Variants in SLC25A30 observed in about 807,000 individuals in gnomAD.
The protein encoded by SLC25A30 is solute carrier family 25 member 30.
SLC25A30 carries 29 observed loss-of-function variants against 42.7 expected under a neutral mutation model. That is an observed-to-expected ratio of 0.68 (90% CI 0.51 to 0.93). The LOEUF (loss-of-function observed/expected upper bound fraction) is 0.93. Among genes scored for constraint, SLC25A30 ranks in the 40% least tolerant of loss-of-function variants. The probability of loss-of-function intolerance (pLI) is 0.00; values close to 1 mark genes in which losing one functional copy is unlikely to be tolerated. For missense variants in SLC25A30, 300 were observed against 359.7 expected (o/e 0.83, Z 1.34); for synonymous variants, 124 against 131.0 (o/e 0.95, Z 0.37).
At chr13:45,396,360 G>C in intron 9 of SLC25A30, 1 of 1,137,888 alleles carries the variant, frequency 8.8e-7, no homozygotes. Context: ...GCAAGCCCTG[G>C]GAAGCTCTCC....
intron 3 of SLC25A30, among the ~76,000 whole-genome samples, chr13:45,408,439 C>T (rs1882711955): frequency 1.3e-5 from 2 of 152,120 alleles, no homozygotes; most frequent in Admixed American, 6.6e-5. Context: ...AATCAAGATG[C>T]TTAGCGTGAC....
At chr13:45,429,295 C>T in the SLC25A30 span, among the ~76,000 whole-genome samples, 10 of 151,770 alleles carry the variant, frequency 6.6e-5, no homozygotes, top group Non-Finnish European at 1.5e-5. Flanking sequence ...TCTCGAACTC[C>T]TGACCTCAGG....
chr13:45,415,632 T>TC (rs1348880977), intron 1 of SLC25A30, among the ~76,000 whole-genome samples: 1 of 150,596 alleles, frequency 6.6e-6, no homozygotes, highest in Non-Finnish European at 1.5e-5. Context: ...ATGCCTGTAA[T>TC]CCCAGTTACT....
At chr13:45,399,381 G>C (rs1034674511) in intron 7 of SLC25A30, among the ~76,000 whole-genome samples, 6 of 151,914 alleles carry the variant, frequency 3.9e-5, no homozygotes, top group East Asian at 1.9e-4. Flanking sequence ...AATTTTTTTT[G>C]TATTTTTATT....
chr13:45,422,929 T>C (rs1883924311), upstream of SLC25A30, among the ~76,000 whole-genome samples: 1 of 152,098 alleles, frequency 6.6e-6, no homozygotes, highest in African/African-American at 2.4e-5. Flanking sequence ...AGGAAGTCTC[T>C]CCTAATCACT....
chr13:45,407,662 AG>A (rs1566208811), intron 3 of SLC25A30, among the ~76,000 whole-genome samples: 1 of 152,208 alleles, frequency 6.6e-6, no homozygotes, highest in African/African-American at 2.4e-5. Context: ...TTCTCCATTT[AG>A]ATGTCCTGTG....
the SLC25A30 span, among the ~76,000 whole-genome samples, chr13:45,424,752 T>G: frequency 8.6e-5 from 5 of 57,960 alleles, 1 homozygote; most frequent in Non-Finnish European, 1.6e-4. Context: ...TTATATCTAT[T>G]TATATAAATA....
the SLC25A30 span, among the ~76,000 whole-genome samples, chr13:45,424,857 TATATAA>T: frequency 1.3e-4 from 8 of 59,502 alleles, no homozygotes; most frequent in East Asian, 1.6e-3. Flanking sequence ...TATAAATATA[TATATAA>T]AAATATATAT....
At chr13:45,430,083 A>C in the SLC25A30 span, among the ~76,000 whole-genome samples, 1 of 152,122 alleles carries the variant, frequency 6.6e-6, no homozygotes, top group African/African-American at 2.4e-5. Flanking sequence ...GCAACTGTCA[A>C]TTCCAGGAAA....
the SLC25A30 span, among the ~76,000 whole-genome samples, chr13:45,432,011 T>A: frequency 6.6e-6 from 1 of 152,106 alleles, no homozygotes; most frequent in Non-Finnish European, 1.5e-5. Context: ...GGCTCATACC[T>A]GTAATCCTGG....
chr13:45,421,379 C>CA (rs368665089), upstream of SLC25A30, among the ~76,000 whole-genome samples: 12,366 of 82,956 alleles, frequency 0.15, 919 homozygotes, highest in African/African-American at 0.23. Context: ...ACTCCATCTC[C>CA]AAAAAAAAAA....
the SLC25A30 span, among the ~76,000 whole-genome samples, chr13:45,423,902 T>C: frequency 1.2e-5 from 1 of 86,350 alleles, no homozygotes; most frequent in African/African-American, 4.7e-5. Context: ...TAAATATATA[T>C]AAGAATATAT....
intron 1 of SLC25A30, among the ~76,000 whole-genome samples, chr13:45,412,940 G>A (rs755611433): frequency 2.0e-5 from 3 of 152,088 alleles, no homozygotes; most frequent in Non-Finnish European, 2.9e-5. Flanking sequence ...TAACTTTTCA[G>A]TCATTATTGG....
intron 9 of SLC25A30, chr13:45,396,993 C>A: frequency 2.7e-6 from 1 of 372,908 alleles, no homozygotes; most frequent in African/African-American, 2.2e-5. Flanking sequence ...TCGTAAATAC[C>A]CTCAGCTTCT....
intron 2 of SLC25A30, 75 bp downstream of exon 2, chr13:45,411,287 T>C: frequency 9.0e-7 from 1 of 1,114,410 alleles, no homozygotes; most frequent in African/African-American, 1.5e-5. Flanking sequence ...TCTCACATTC[T>C]ACACTTGAAC....
the SLC25A30 span, among the ~76,000 whole-genome samples, chr13:45,425,575 T>TAC: frequency 2.5e-4 from 20 of 79,426 alleles, 1 homozygote; most frequent in African/African-American, 9.6e-4. Context: ...TATATATAAG[T>TAC]ATATATATAA....
At position 45,409,087 on chromosome 13, in the gene SLC25A30, A is replaced by G; in HGVS notation, c.65-13T>C. 5 of 1,583,082 alleles carry G rather than the reference A, an allele frequency of 3.2e-6. No homozygotes were observed. Among genetic ancestry groups the G allele is most frequent in the East Asian group, 4.5e-5 (2 of 44,436 alleles). On this transcript the variant is annotated splice_polypyrimidine_tract_variant and intron_variant, in intron 2 of 9. Coordinates refer to ENST00000519676, the MANE Select transcript of SLC25A30 (RefSeq NM_001010875.4). ...ATTGGAAATGTACCTTAAAATTTAAAAAGAAATTCACTTAATAAAAAGAAA... is the reference window on the plus strand; with the variant it reads ...ATTGGAAATGTACCTTAAAATTTAAGAAGAAATTCACTTAATAAAAAGAAA...
At position 45,412,982 on chromosome 13, in the gene SLC25A30, G is replaced by A. The variant is rs1042768457; in HGVS notation, c.-55-1502C>T. ...ATATGCCAACATGTTTACTTTGCCTGTGTTTAGGAATTTCCCAAGTCTCCT... is the reference window on the plus strand; with the variant it reads ...ATATGCCAACATGTTTACTTTGCCTATGTTTAGGAATTTCCCAAGTCTCCT... On this transcript the variant is annotated intron_variant, in intron 1 of 9. Coordinates refer to ENST00000519676, the MANE Select transcript of SLC25A30 (RefSeq NM_001010875.4). 2.0e-5 allele frequency among the ~76,000 whole-genome samples: 3 copies of A among 152,184 alleles called. No individual in the cohort carries two copies. In the South Asian group the frequency reaches 6.2e-4, roughly 32 times the overall value.
rs1881446021 is a variant in SLC25A30 at position 45,397,323 on chromosome 13, C to A, written c.769G>T (p.Gly257Trp). Residue 257 changes from glycine to tryptophan, a missense_variant, in exon 9 of 10, where the codon GGG becomes TGG. Gly to Trp is a radical substitution (Grantham distance 184, BLOSUM62 -2). Coordinates refer to ENST00000519676, the MANE Select transcript of SLC25A30 (RefSeq NM_001010875.4). ...AAGCCTTTATAGAGAGCAAAAAACCCTTCATTCTTCCATGTCTGTTAAAAG... is the reference window on the plus strand; with the variant it reads ...AAGCCTTTATAGAGAGCAAAAAACCATTCATTCTTCCATGTCTGTTAAAAG... ...DCLLQTWKNEGFFALYKGFWP... is the reference protein window; with the variant it reads ...DCLLQTWKNEWFFALYKGFWP... 2 of 1,610,434 alleles carry A rather than the reference C, an allele frequency of 1.2e-6. No homozygotes were observed.
Sources: allele counts gnomAD v4.1 joint callset (sites outside exome capture counted in the v4.1 genomes callset), GRCh38; gene constraint gnomAD v4.1.1; transcripts MANE v1.5; gene names NCBI Gene and HGNC (gene_info 2026-07-23, HGNC 2026-07-21).